Variants in AOAH observed in about 807,000 individuals in gnomAD.
AOAH encodes the protein acyloxyacyl hydrolase.
A neutral mutation model predicts 92.2 loss-of-function variants in AOAH; 64 were observed. The observed-to-expected ratio is 0.69, with a 90% CI of 0.57 to 0.86. The LOEUF is 0.86. Among genes scored for constraint, AOAH ranks in the 40% least tolerant of loss-of-function variants. The probability of loss-of-function intolerance (pLI) is 0.00; values close to 1 mark genes in which losing one functional copy is unlikely to be tolerated. For synonymous variants in AOAH, 263 were observed against 254.5 expected (o/e 1.03, Z -0.32); for missense variants, 656 against 694.6 (o/e 0.94, Z 0.62).
At chr7:36,667,041 G>A (rs1443945422) in intron 3 of AOAH, among the ~76,000 whole-genome samples, 1 of 152,070 alleles carries the variant, frequency 6.6e-6, no homozygotes, top group Non-Finnish European at 1.5e-5. Context: ...TGCTGTTGTT[G>A]GATAAAACAG....
chr7:36,670,341 G>C (rs758892835), intron 3 of AOAH, among the ~76,000 whole-genome samples: 4 of 152,170 alleles, frequency 2.6e-5, no homozygotes, highest in Non-Finnish European at 5.9e-5. Flanking sequence ...ATTTCTATCA[G>C]CTCACAACTA....
At chr7:36,548,730 C>A in intron 14 of AOAH, 44 bp from the exon 15 acceptor site, 1 of 1,566,434 alleles carries the variant, frequency 6.4e-7, no homozygotes, top group Non-Finnish European at 8.8e-7. Context: ...TACTTGGAAA[C>A]CTAGCTTTGT....
intron 19 of AOAH, among the ~76,000 whole-genome samples, chr7:36,526,602 A>T (rs1197750451): frequency 2.0e-5 from 3 of 152,178 alleles, no homozygotes; most frequent in African/African-American, 7.2e-5. Context: ...ATGAATTCCT[A>T]TTTGTTCTTC....
chr7:36,530,272 T>G, intron 19 of AOAH, 146 bp downstream of exon 19: 1 of 593,980 alleles, frequency 1.7e-6, no homozygotes, highest in Non-Finnish European at 3.0e-6. Flanking sequence ...TTTTCAATAC[T>G]GAGAGCTATT....
chr7:36,669,889 C>A (rs534521452), intron 3 of AOAH, among the ~76,000 whole-genome samples: 16 of 152,248 alleles, frequency 1.1e-4, no homozygotes, highest in African/African-American at 3.9e-4. Context: ...GCAACACAGC[C>A]AGACAGAGAC....
At chr7:36,601,086 C>T (rs1790543231) in intron 11 of AOAH, among the ~76,000 whole-genome samples, 1 of 151,974 alleles carries the variant, frequency 6.6e-6, no homozygotes, top group Non-Finnish European at 1.5e-5. Flanking sequence ...GGAGGTCTGC[C>T]TTCCAGTGGG....
intron 20 of AOAH, among the ~76,000 whole-genome samples, chr7:36,521,240 G>A (rs1784093390): frequency 6.6e-6 from 1 of 152,208 alleles, no homozygotes; most frequent in South Asian, 2.1e-4. Context: ...AGGCTCTAGT[G>A]ATGTGGTATT....
intron 13 of AOAH, among the ~76,000 whole-genome samples, chr7:36,558,491 C>A (rs1786983483): frequency 6.6e-6 from 1 of 152,212 alleles, no homozygotes; most frequent in African/African-American, 2.4e-5. Context: ...CAGCTGTGTG[C>A]TGGGAGAACC....
At chr7:36,686,549 T>C (rs1797019269) in intron 2 of AOAH, 150 bp downstream of exon 2, 1 of 438,832 alleles carries the variant, frequency 2.3e-6, no homozygotes, top group Non-Finnish European at 3.9e-6. Context: ...TTGGTTTTAA[T>C]TTCTATAAGC....
At chr7:36,660,054 C>T (rs532959687) in intron 3 of AOAH, among the ~76,000 whole-genome samples, 19 of 152,280 alleles carry the variant, frequency 1.2e-4, no homozygotes, top group South Asian at 1.0e-3. Flanking sequence ...CACCATGTAC[C>T]TTGCAACCCT....
At chr7:36,624,301 A>G (rs1351496999) in intron 6 of AOAH, among the ~76,000 whole-genome samples, 1 of 152,264 alleles carries the variant, frequency 6.6e-6, no homozygotes, top group Non-Finnish European at 1.5e-5. Context: ...TACAGTGAGT[A>G]ACACAACCTT....
Position 36,671,009 on chromosome 7 carries a change from T to C in AOAH, c.290+2934A>G, listed in dbSNP as rs527490031. 1.7e-3 allele frequency among the ~76,000 whole-genome samples: 256 copies of C among 152,338 alleles called. 1 individual carries two copies. Among genetic ancestry groups the C allele is most frequent in the Non-Finnish European group, 2.9e-3 (198 of 68,030 alleles). On this transcript the variant is annotated intron_variant, in intron 3 of 20. Transcript: ENST00000617537. ...CACACTGCTGTTGGGAGCTGCTCTC[T>C]GGCACCCCCTTTTGGACATTTGCAT...
chr7:36,676,272 A>T (rs1207764508), intron 2 of AOAH, among the ~76,000 whole-genome samples: 1 of 152,228 alleles, frequency 6.6e-6, no homozygotes, highest in Non-Finnish European at 1.5e-5. Context: ...GCTGCAGGAT[A>T]CAAGATCAAT....
intron 20 of AOAH, among the ~76,000 whole-genome samples, chr7:36,517,222 T>TTCTTTCTTTCTTTCTCTTTCTC (rs1562854041): frequency 8.5e-4 from 57 of 67,336 alleles, no homozygotes; most frequent in African/African-American, 2.2e-3. Context: ...TTCTCTTTCT[T>TTCTTTCTTTCTTTCTCTTTCTC]TCTGTCTCTC....
At chr7:36,544,178 C>G (rs1022678844) in intron 15 of AOAH, among the ~76,000 whole-genome samples, 6 of 152,016 alleles carry the variant, frequency 3.9e-5, no homozygotes, top group Admixed American at 1.3e-4. Context: ...ATCTCTTGAC[C>G]TCGTGATCTG....
At chr7:36,661,913 T>C (rs952546853) in intron 3 of AOAH, among the ~76,000 whole-genome samples, 17 of 152,174 alleles carry the variant, frequency 1.1e-4, no homozygotes, top group African/African-American at 4.1e-4. Context: ...GAATTTAGAA[T>C]GATAAAAAGC....
chr7:36,593,732 A>G (rs146582233), intron 12 of AOAH, among the ~76,000 whole-genome samples: 219 of 152,312 alleles, frequency 1.4e-3, no homozygotes, highest in Non-Finnish European at 2.4e-3. Flanking sequence ...CAGAGATCAG[A>G]CAAGATCTGG....
At chr7:36,686,622 G>T in intron 2 of AOAH, 77 bp downstream of exon 2, 2 of 707,072 alleles carry the variant, frequency 2.8e-6, no homozygotes, top group Non-Finnish European at 4.3e-6. Context: ...GTGTGGGCAG[G>T]AAGTAAAGGC....
At chr7:36,641,459 T>C (rs1793911231) in intron 4 of AOAH, among the ~76,000 whole-genome samples, 1 of 152,126 alleles carries the variant, frequency 6.6e-6, no homozygotes, top group Non-Finnish European at 1.5e-5. Context: ...ACATCTTCAA[T>C]AACATTGAGC....
Sources: allele counts gnomAD v4.1 joint callset (sites outside exome capture counted in the v4.1 genomes callset), GRCh38; gene constraint gnomAD v4.1.1; transcripts MANE v1.5; gene names NCBI Gene and HGNC (gene_info 2026-07-23, HGNC 2026-07-21).